The following OCA2 variants were observed in gnomAD, a reference collection of about 807,000 sequenced individuals.
The protein encoded by OCA2 is P protein.
Under a neutral mutation model 100.2 loss-of-function variants are expected in OCA2, and 77 were observed. That is an observed-to-expected ratio of 0.77 (90% CI 0.64 to 0.93). The LOEUF (loss-of-function observed/expected upper bound fraction) is 0.93. Ranked by LOEUF, OCA2 falls within the 40% of genes least tolerant of loss-of-function variation. The pLI, the probability that OCA2 is intolerant of heterozygous loss-of-function variation, is 0.00. For missense variants in OCA2, 1,062 were observed against 1,089.1 expected, an observed-to-expected ratio of 0.98 and a Z score of 0.35; for synonymous variants, 432 against 439.2, an observed-to-expected ratio of 0.98 and a Z score of 0.21.
In OCA2 at chr15:28,014,814, C is replaced by T; in HGVS notation, c.1006G>A (p.Ala336Thr). The change falls in exon 9 of 24, where the codon GCC (alanine) becomes ACC (threonine). Residue 336 changes from alanine (A) to threonine (T), a missense_variant. Physicochemically the swap from Ala to Thr is moderately conservative, Grantham distance 58. Transcript: ENST00000354638. ...SVETQVTIAT[A>T]ILAGVYALII... ...AGCGCGTAGACGCCCGCGAGGATGG[C>T]CGTCGCGATGGTCACCTGGGTTTCT... 1 of 1,613,964 alleles carries T rather than the reference C, an allele frequency of 6.2e-7. No homozygotes were observed. The highest frequency in any genetic ancestry group is 8.5e-7 in the Non-Finnish European group (1 of 1,180,014).
In OCA2 at chr15:27,957,582, C is replaced by A; in HGVS notation, c.1784+6G>T. ...AGCACAGTCTGAGCAGGACCCCGCC[C>A]GGTACCTGTGGAAGGTGTGCAGCCT... is the stretch of plus-strand genomic sequence containing the variant. On this transcript the variant is annotated splice_donor_region_variant and intron_variant, in intron 16 of 23. Coordinates refer to ENST00000354638, the MANE Select transcript of OCA2 (RefSeq NM_000275.3). The surrounding 1 kb of genome is among the most constrained non-coding windows in gnomAD (Gnocchi z 4.3). The A allele has an allele frequency of 6.2e-7, 1 of 1,612,236 alleles. No homozygotes were observed. Among genetic ancestry groups the A allele is most frequent in the Non-Finnish European group, 8.5e-7 (1 of 1,179,844 alleles).
chr15:28,029,326 T>A (rs990034585), intron 3 of OCA2, among the ~76,000 whole-genome samples: 1 of 152,186 alleles, frequency 6.6e-6, no homozygotes, highest in East Asian at 1.9e-4. Context: ...TCCTATCAAT[T>A]TTGTGACTGG....
chr15:27,754,113 G>A (rs1353730318), downstream of OCA2, among the ~76,000 whole-genome samples: 3 of 152,270 alleles, frequency 2.0e-5, no homozygotes, highest in East Asian at 1.9e-4. Context: ...TCAGCTGCAC[G>A]TGTCTCAAGG....
downstream of OCA2, among the ~76,000 whole-genome samples, chr15:27,751,279 C>A (rs1004206771): frequency 6.6e-6 from 1 of 152,128 alleles, no homozygotes; most frequent in African/African-American, 2.4e-5. Flanking sequence ...TATGGTTATT[C>A]CCCTTCTCCA....
rs150661493 is a variant in OCA2 at position 27,823,304 on chromosome 15, T to C, written c.2432+21655A>G. On this transcript the variant is annotated intron_variant, in intron 23 of 23. Transcript: ENST00000354638. ...TCTAAGTCCTCAAGCATTGTTTTAC[T>C]TATATGCTAATGAAGAAGAAAGAGG... Among the ~76,000 whole-genome samples, 893 of 152,304 alleles carry C rather than the reference T, an allele frequency of 5.9e-3. 15 individuals carry two copies. The highest frequency in any genetic ancestry group is 0.02 in the African/African-American group (834 of 41,550).
chr15:27,984,887 A>G (rs376121359), intron 13 of OCA2, among the ~76,000 whole-genome samples, 177 bp downstream of exon 13: 33 of 152,288 alleles, frequency 2.2e-4, no homozygotes, highest in African/African-American at 7.9e-4. Flanking sequence ...TGCTTGTAGC[A>G]TGTACTGCAG....
At chr15:27,764,038 G>A (rs2031057581) in intron 23 of OCA2, among the ~76,000 whole-genome samples, 1 of 151,922 alleles carries the variant, frequency 6.6e-6, no homozygotes, top group South Asian at 2.1e-4. Context: ...AGAGAGGTAG[G>A]AGGGAAGGGA....
At chr15:27,917,598 G>A (rs2038712936) in intron 19 of OCA2, among the ~76,000 whole-genome samples, 1 of 152,088 alleles carries the variant, frequency 6.6e-6, no homozygotes, top group Non-Finnish European at 1.5e-5. Flanking sequence ...TCCCCATTAT[G>A]CCAGAGGCTG....
Position 28,032,158 on chromosome 15 carries a change from T to A in OCA2, c.233A>T (p.His78Leu), listed in dbSNP as rs2042924587. ...FASFLTKGRS[H>L]SSLPQMSSSR... ...GCTGGACATCTGGGGCAAAGAAGAG[T>A]GAGACCTGAAAGAGACAGGGTAGGA... Residue 78 changes from histidine to leucine, a missense_variant, in exon 3 of 24, where the codon CAC becomes CTC. His to Leu is a moderately conservative substitution (Grantham distance 99, BLOSUM62 -3). Coordinates refer to ENST00000354638, the MANE Select transcript of OCA2 (RefSeq NM_000275.3). 1 of 1,611,204 alleles carries A rather than the reference T, an allele frequency of 6.2e-7. No homozygotes were observed. Among genetic ancestry groups the A allele is most frequent in the African/African-American group, 1.3e-5 (1 of 74,732 alleles).
At position 27,957,583 on chromosome 15, in the gene OCA2, G is replaced by A. The variant is rs748230308; in HGVS notation, c.1784+5C>T. ...GCACAGTCTGAGCAGGACCCCGCCC[G>A]GTACCTGTGGAAGGTGTGCAGCCTC... On this transcript the variant is annotated splice_donor_5th_base_variant and intron_variant, in intron 16 of 23. Transcript: ENST00000354638. The surrounding 1 kb of genome is among the most constrained non-coding windows in gnomAD (Gnocchi z 4.3). The A allele has an allele frequency of 1.4e-5, 23 of 1,612,248 alleles. No individual in the cohort carries two copies. The highest frequency in any genetic ancestry group is 1.8e-4 in the Middle Eastern group (1 of 5,634).
chr15:27,741,878 A>C, the OCA2 span, among the ~76,000 whole-genome samples: 1 of 152,248 alleles, frequency 6.6e-6, no homozygotes, highest in African/African-American at 2.4e-5. Context: ...CATATCAATC[A>C]TTATTGTTAC....
At chr15:28,005,454 T>C (rs919928791) in intron 9 of OCA2, among the ~76,000 whole-genome samples, 2 of 152,174 alleles carry the variant, frequency 1.3e-5, no homozygotes, top group Admixed American at 1.3e-4. Flanking sequence ...GCAGGTGCGC[T>C]ACATCCTACA....
intron 23 of OCA2, among the ~76,000 whole-genome samples, chr15:27,772,897 A>G (rs957137212): frequency 3.9e-5 from 6 of 151,998 alleles, no homozygotes; most frequent in African/African-American, 1.4e-4. Context: ...TAAGAATTCA[A>G]TGCTCAGAGA....
intron 19 of OCA2, among the ~76,000 whole-genome samples, chr15:27,893,121 G>T (rs547095617): frequency 6.6e-6 from 1 of 152,160 alleles, no homozygotes; most frequent in African/African-American, 2.4e-5. Flanking sequence ...GGAAGTCAGG[G>T]ACCCCAAATG....
chr15:28,006,197 T>A (rs2042086359), intron 9 of OCA2, among the ~76,000 whole-genome samples: 1 of 152,218 alleles, frequency 6.6e-6, no homozygotes, highest in South Asian at 2.1e-4. Context: ...ATCATTTTCT[T>A]TGAAATCAGA....
In OCA2 at chr15:28,016,103, C is replaced by T. The variant is rs2042382744; in HGVS notation, c.890+1G>A. 6.2e-7 allele frequency: 1 copy of T among 1,613,484 alleles called. No homozygotes were observed. The highest frequency in any genetic ancestry group is 1.3e-5 in the African/African-American group (1 of 75,024). On this transcript the variant is annotated splice_donor_variant, in intron 8 of 23. Transcript: ENST00000354638. LOFTEE classifies it high-confidence loss of function. The stretch of plus-strand genomic sequence containing the variant: ...CAACACCTCACTCACTGAGAACTCA[C>T]CTGGTCAGTACCTCAAAGGTCCTGC...
chr15:28,028,033 G>A lies in OCA2; in HGVS notation c.353C>T (p.Pro118Leu). The change falls in exon 4 of 24, where the codon CCA (proline) becomes CTA (leucine). Residue 118 changes from proline to leucine, a missense_variant. Transcript: ENST00000354638. ...AGACTCTTCAGCAGTGATGAACTCT[G>A]GATGGTAAACAGGTATGCACCGTGA... is the stretch of plus-strand genomic sequence containing the variant. ...KGSRCIPVYH[P>L]EFITAEESWE... The A allele has an allele frequency of 6.2e-7, 1 of 1,614,232 alleles. No homozygotes were observed. The highest frequency in any genetic ancestry group is 1.1e-5 in the South Asian group (1 of 91,072).
At chr15:27,780,791 G>C (rs969871817) in intron 23 of OCA2, among the ~76,000 whole-genome samples, 7 of 152,164 alleles carry the variant, frequency 4.6e-5, no homozygotes, top group African/African-American at 1.7e-4. Context: ...AGGAACGGGA[G>C]AATCAAGGTT....
chr15:27,909,499 C>T (rs892421158), intron 19 of OCA2, among the ~76,000 whole-genome samples: 15 of 152,246 alleles, frequency 9.9e-5, no homozygotes, highest in African/African-American at 1.9e-4. Flanking sequence ...CCCTACCAGA[C>T]ATTAAAACAT....
Sources: allele counts gnomAD v4.1 joint callset (sites outside exome capture counted in the v4.1 genomes callset), GRCh38; gene constraint gnomAD v4.1.1; non-coding constraint Gnocchi (gnomAD v3.1); transcripts MANE v1.5; gene names NCBI Gene and HGNC (gene_info 2026-07-23, HGNC 2026-07-21).